SATB2: variants seen among roughly 807,000 people sequenced by gnomAD.
SATB2 encodes SATB homeobox 2.
SATB2 carries 1 observed loss-of-function variant against 73.4 expected under a neutral mutation model. That is an observed-to-expected ratio of 0.01 (90% confidence interval 0.00 to 0.06). The LOEUF (loss-of-function observed/expected upper bound fraction) is 0.06, where lower values mean the gene tolerates loss of function less well. Ranked by LOEUF, SATB2 falls within the 10% of genes least tolerant of loss-of-function variation. The pLI, the probability that SATB2 is intolerant of heterozygous loss-of-function variation, is 1.00. For synonymous variants in SATB2, 397 were observed against 367.0 expected (o/e 1.08, Z -0.93); for missense variants, 459 against 945.8 (o/e 0.49, Z 6.75).
At chr2:199,351,300 T>A (rs1688812069) in intron 6 of SATB2, among the ~76,000 whole-genome samples, 1 of 151,986 alleles carries the variant, frequency 6.6e-6, no homozygotes, top group Non-Finnish European at 1.5e-5. Context: ...TAACTGGGAT[T>A]ACTGGCATGC....
chr2:199,273,923 T>A (rs1692235815), intron 10 of SATB2, among the ~76,000 whole-genome samples: 1 of 152,176 alleles, frequency 6.6e-6, no homozygotes, highest in South Asian at 2.1e-4. Flanking sequence ...GAAGTCCTGA[T>A]GAGGAACTGC....
intron 3 of SATB2, among the ~76,000 whole-genome samples, chr2:199,406,452 T>A (rs958171320): frequency 6.6e-6 from 1 of 152,218 alleles, no homozygotes; most frequent in African/African-American, 2.4e-5. Flanking sequence ...TCTAACTTTG[T>A]GAGAAAGCCC....
At chr2:199,423,424 G>A (rs981485270) in intron 3 of SATB2, among the ~76,000 whole-genome samples, 8 of 151,974 alleles carry the variant, frequency 5.3e-5, no homozygotes, top group African/African-American at 1.9e-4. Flanking sequence ...TTTCTGCAAA[G>A]TAAGAGTGGT....
intron 3 of SATB2, among the ~76,000 whole-genome samples, chr2:199,415,828 T>G (rs892266299): frequency 2.0e-5 from 3 of 152,164 alleles, no homozygotes; most frequent in African/African-American, 7.2e-5. Flanking sequence ...TTTCCTGGCA[T>G]GATGCTCCAC....
chr2:199,352,223 TG>T (rs1688839736), intron 6 of SATB2, among the ~76,000 whole-genome samples: 1 of 152,210 alleles, frequency 6.6e-6, no homozygotes, highest in Admixed American at 6.5e-5. Context: ...TCCTATAGAA[TG>T]CATTATTTGA....
intron 2 of SATB2, among the ~76,000 whole-genome samples, chr2:199,454,601 C>A (rs968149317): frequency 1.3e-5 from 2 of 152,104 alleles, no homozygotes; most frequent in African/African-American, 4.8e-5. Flanking sequence ...CAGAATCCAT[C>A]ACCAAACTTT....
intron 7 of SATB2, 172 bp downstream of exon 7, chr2:199,348,529 T>C (rs774629246): frequency 4.0e-5 from 26 of 657,306 alleles, no homozygotes; most frequent in South Asian, 3.0e-4. Context: ...TAATTAATCA[T>C]GGTCATGCAT....
chr2:199,450,886 A>C (rs1226460234), intron 2 of SATB2, among the ~76,000 whole-genome samples: 1 of 152,120 alleles, frequency 6.6e-6, no homozygotes, highest in African/African-American at 2.4e-5. Flanking sequence ...ATTCTTAGCT[A>C]TCTAATAAAT....
chr2:199,366,840 A>T (rs1467936378), intron 6 of SATB2, among the ~76,000 whole-genome samples: 2 of 151,870 alleles, frequency 1.3e-5, no homozygotes, highest in South Asian at 4.2e-4. Context: ...ATACAGCTTG[A>T]AGAATTAAAG....
In SATB2 at chr2:199,288,390, G is replaced by A. The variant is rs911709980; in HGVS notation, c.1741-15718C>T. 1.6e-4 allele frequency among the ~76,000 whole-genome samples: 24 copies of A among 152,088 alleles called. 1 individual carries two copies. Among genetic ancestry groups the A allele is most frequent in the African/African-American group, 5.6e-4 (23 of 41,422 alleles). On this transcript the variant is annotated intron_variant, in intron 10 of 10. Transcript: ENST00000417098. Reference sequence around the variant, plus strand: ...TGTTTTACAGCTTCTTAAAAGACAGGGCTTCAATTATTTAAGGAGAAAGCA... The same window carrying A: ...TGTTTTACAGCTTCTTAAAAGACAGAGCTTCAATTATTTAAGGAGAAAGCA...
chr2:199,283,169 C>T (rs1036470718), intron 10 of SATB2, among the ~76,000 whole-genome samples: 2 of 151,486 alleles, frequency 1.3e-5, no homozygotes, highest in Middle Eastern at 3.4e-3. Context: ...CTGCAAGCTC[C>T]GCCTCCTGGG....
intron 10 of SATB2, among the ~76,000 whole-genome samples, chr2:199,289,393 T>A (rs553831895): frequency 7.2e-5 from 11 of 152,250 alleles, no homozygotes; most frequent in East Asian, 1.9e-4. Flanking sequence ...GCAAAGTAAC[T>A]GGACTAGTAA....
chr2:199,398,534 C>T (rs1454941426), intron 3 of SATB2, among the ~76,000 whole-genome samples: 1 of 152,056 alleles, frequency 6.6e-6, no homozygotes, highest in Admixed American at 6.6e-5. Context: ...TTTTTCCTCC[C>T]CTACAGTATA....
chr2:199,287,874 C>G lies in SATB2; in HGVS notation c.1741-15202G>C, dbSNP rs879697025. ...GAAGAAACAAATACACAAAATTGAG[C>G]TCTGACTCCAAAATCACATACCCCC... On this transcript the variant is annotated intron_variant, in intron 10 of 10. Transcript: ENST00000417098. Among the ~76,000 whole-genome samples the G allele has an allele frequency of 3.3e-4, 50 of 152,254 alleles. 1 individual carries two copies. Among genetic ancestry groups the G allele is most frequent in the African/African-American group, 1.0e-3 (43 of 41,554 alleles).
intron 7 of SATB2, among the ~76,000 whole-genome samples, chr2:199,342,580 A>C (rs1055578317): frequency 1.8e-4 from 28 of 152,140 alleles, no homozygotes; most frequent in Non-Finnish European, 4.4e-5. Context: ...GAGATCCCAT[A>C]TCCTGGCATT....
rs1400096692 is a variant in SATB2, at chr2:199,442,537, C to A, written c.170-9023G>T. ...TCTAAATTTAGTAACTACAGAAAGA[C>A]AAAATGTTTAATGATCCTAGAATTT... On this transcript the variant is annotated intron_variant, in intron 2 of 10. Coordinates refer to ENST00000417098, the MANE Select transcript of SATB2 (RefSeq NM_001172509.2). 8.5e-5 allele frequency among the ~76,000 whole-genome samples: 13 copies of A among 152,162 alleles called. No individual in the cohort carries two copies. The South Asian group carries it at 1.5e-3, about 17-fold the overall frequency.
intron 3 of SATB2, among the ~76,000 whole-genome samples, chr2:199,405,156 T>C (rs551633160): frequency 1.3e-5 from 2 of 152,328 alleles, no homozygotes; most frequent in African/African-American, 4.8e-5. Flanking sequence ...GAAATGTCTT[T>C]GGCTAAGAGA....
chr2:199,431,422 C>T (rs960258656), intron 3 of SATB2, among the ~76,000 whole-genome samples: 7 of 152,048 alleles, frequency 4.6e-5, no homozygotes, highest in African/African-American at 9.7e-5. Context: ...GATTACAGTA[C>T]GAGACTGAGT....
rs1302645769 is a variant in SATB2 at position 199,323,900 on chromosome 2, T to C, written c.1445A>G (p.Asn482Ser). 7 of 1,613,430 alleles carry C rather than the reference T, an allele frequency of 4.3e-6. No individual in the cohort carries two copies. Among genetic ancestry groups the C allele is most frequent in the Admixed American group, 1.7e-5 (1 of 59,952 alleles). Residue 482 changes from asparagine (N) to serine (S), a missense_variant, in exon 9 of 11, where the codon AAC becomes AGC. Asn to Ser is a conservative substitution (Grantham distance 46, BLOSUM62 1). This residue lies in a region of SATB2 where 53 missense variants were observed against 70.5 expected (regional missense o/e 0.75). Coordinates refer to ENST00000417098, the MANE Select transcript of SATB2 (RefSeq NM_001172509.2). The part of the protein sequence containing the change: ...LPIKVDGANI[N>S]ITAAIYDEIQ... ...CTCGTCATAAATGGCAGCTGTGATG[T>C]TGATGTTGGCGCCGTCCACCTTAAT...
Sources: gnomAD v4.1 joint callset for allele counts (sites outside exome capture counted in the v4.1 genomes callset) on GRCh38, gnomAD v4.1.1 for gene constraint, gnomAD v4.1.1 regional missense constraint, MANE v1.5 for transcripts, NCBI Gene and HGNC (gene_info 2026-07-23, HGNC 2026-07-21) for gene names.